The following CDH13 variants were observed in gnomAD, a reference collection of about 807,000 sequenced individuals.
CDH13 encodes the protein cadherin 13, also known as cadherin-13.
In CDH13, 24 loss-of-function variants were observed where a neutral mutation model predicts 63.8. That is an observed-to-expected ratio of 0.38 (90% CI 0.27 to 0.53). The LOEUF (loss-of-function observed/expected upper bound fraction) is 0.53, where lower values mean the gene tolerates loss of function less well. CDH13 is among the 20% of genes least tolerant of loss of function. The probability of loss-of-function intolerance (pLI) is 0.85; values close to 1 mark genes in which losing one functional copy is unlikely to be tolerated. For synonymous variants in CDH13, 503 were observed against 355.3 expected, an observed-to-expected ratio of 1.42 and a Z score of -4.67; for missense variants, 1,049 against 903.1, an observed-to-expected ratio of 1.16 and a Z score of -2.07.
At chr16:83,576,230 G>A (rs1004207102) in intron 7 of CDH13, among the ~76,000 whole-genome samples, 4 of 152,136 alleles carry the variant, frequency 2.6e-5, no homozygotes, top group African/African-American at 9.7e-5. Flanking sequence ...TATCCATTCT[G>A]GACCTTCCAT....
At chr16:83,230,648 G>A (rs570652902) in intron 5 of CDH13, among the ~76,000 whole-genome samples, 9 of 152,260 alleles carry the variant, frequency 5.9e-5, no homozygotes, top group African/African-American at 9.6e-5. Context: ...TTAGCTGGGC[G>A]TGGTGGCAAG....
chr16:83,180,472 C>T (rs1254031399), intron 4 of CDH13, among the ~76,000 whole-genome samples: 4 of 152,058 alleles, frequency 2.6e-5, no homozygotes, highest in African/African-American at 7.2e-5. Flanking sequence ...TGGCTTAGAG[C>T]ATGAGACTTT....
At chr16:83,669,350 A>G (rs541923727) in intron 8 of CDH13, among the ~76,000 whole-genome samples, 7 of 152,316 alleles carry the variant, frequency 4.6e-5, no homozygotes, top group Admixed American at 3.3e-4. Flanking sequence ...GGGAGATTCT[A>G]ATGTGCAGAC....
intron 4 of CDH13, among the ~76,000 whole-genome samples, chr16:83,212,535 G>A (rs868760724): frequency 5.9e-5 from 9 of 152,092 alleles, no homozygotes; most frequent in Admixed American, 3.9e-4. Context: ...TGCTTTCTGA[G>A]GTCTTAGAAA....
chr16:83,059,892 C>T (rs2031364912), intron 3 of CDH13, among the ~76,000 whole-genome samples: 1 of 145,434 alleles, frequency 6.9e-6, no homozygotes, highest in African/African-American at 2.5e-5. Flanking sequence ...CCTCCTGGTT[C>T]TCGCCATTCT....
intron 7 of CDH13, among the ~76,000 whole-genome samples, chr16:83,562,345 T>A (rs568684503): frequency 2.2e-4 from 34 of 152,176 alleles, no homozygotes; most frequent in African/African-American, 5.1e-4. Context: ...GAAAAAAAAA[T>A]TGCAAAGTAT....
intron 2 of CDH13, among the ~76,000 whole-genome samples, chr16:82,866,697 G>T (rs191760763): frequency 7.9e-5 from 12 of 152,254 alleles, no homozygotes; most frequent in South Asian, 2.1e-4. Flanking sequence ...TCACAGTTCA[G>T]CATGCCTGGG....
intron 1 of CDH13, among the ~76,000 whole-genome samples, chr16:82,827,135 T>C (rs2038293873): frequency 6.6e-6 from 1 of 152,182 alleles, no homozygotes; most frequent in South Asian, 2.1e-4. Flanking sequence ...TGCTAATTAT[T>C]TTTTTGAAAA....
intron 3 of CDH13, among the ~76,000 whole-genome samples, chr16:83,041,252 A>G (rs984936846): frequency 2.6e-5 from 4 of 152,184 alleles, no homozygotes; most frequent in African/African-American, 7.2e-5. Context: ...AAAATAAAAC[A>G]AAGAAGAAAA....
At chr16:83,325,721 C>T (rs965790423) in intron 5 of CDH13, among the ~76,000 whole-genome samples, 3 of 152,144 alleles carry the variant, frequency 2.0e-5, no homozygotes, top group Non-Finnish European at 4.4e-5. Flanking sequence ...CCCATATTTC[C>T]TTCCACCTTT....
intron 5 of CDH13, among the ~76,000 whole-genome samples, chr16:83,306,541 G>C (rs536394954): frequency 5.3e-5 from 8 of 152,266 alleles, no homozygotes; most frequent in African/African-American, 1.9e-4. Flanking sequence ...TGTTGTGACA[G>C]CTCAAAAGTC....
chr16:83,351,012 G>A (rs2090940759), intron 6 of CDH13, among the ~76,000 whole-genome samples: 1 of 152,198 alleles, frequency 6.6e-6, no homozygotes, highest in African/African-American at 2.4e-5. Context: ...AACAGCTTGA[G>A]CTAAATAAAG....
intron 4 of CDH13, among the ~76,000 whole-genome samples, chr16:83,204,901 C>G (rs1338540294): frequency 2.0e-5 from 3 of 152,224 alleles, no homozygotes; most frequent in African/African-American, 4.8e-5. Context: ...CACTAGAGTT[C>G]CTAATGCTTT....
chr16:83,438,819 C>T (rs773943275), intron 6 of CDH13, among the ~76,000 whole-genome samples: 1 of 152,160 alleles, frequency 6.6e-6, no homozygotes, highest in Admixed American at 6.5e-5. Flanking sequence ...AAAGTCTATG[C>T]AGCAGTGACA....
rs116363817 is a variant in CDH13, at chr16:83,166,632, C to T, written c.483+41131C>T. Among the ~76,000 whole-genome samples, 618 of 152,190 alleles carry T rather than the reference C, an allele frequency of 4.1e-3. 4 individuals are homozygous for T. The highest frequency in any genetic ancestry group is 0.014 in the African/African-American group (584 of 41,544). On this transcript the variant is annotated intron_variant, in intron 4 of 13. Transcript: ENST00000567109. ...GAGGGAATATAGATTGTGCTCTTAC[C>T]TGCCCCATTTCCATATTTAATATAT... is the stretch of plus-strand genomic sequence containing the variant.
chr16:83,482,971 G>A (rs1292387152), intron 6 of CDH13, among the ~76,000 whole-genome samples: 1 of 152,198 alleles, frequency 6.6e-6, no homozygotes, highest in African/African-American at 2.4e-5. Flanking sequence ...GTTGGATAAT[G>A]CAAGGCTTCC....
intron 6 of CDH13, among the ~76,000 whole-genome samples, chr16:83,474,202 G>T (rs530714512): frequency 6.6e-6 from 1 of 152,100 alleles, no homozygotes; most frequent in Non-Finnish European, 1.5e-5. Context: ...CCTCCTCCAT[G>T]GAATTACTGC....
intron 5 of CDH13, among the ~76,000 whole-genome samples, chr16:83,226,439 G>A (rs1269947005): frequency 1.3e-5 from 2 of 152,100 alleles, no homozygotes; most frequent in African/African-American, 4.8e-5. Flanking sequence ...TTGGCAGGTG[G>A]GAGAACCCCA....
At chr16:83,790,448 G>A (rs1916183710) in intron 13 of CDH13, among the ~76,000 whole-genome samples, 1 of 152,118 alleles carries the variant, frequency 6.6e-6, no homozygotes, top group Non-Finnish European at 1.5e-5. Flanking sequence ...CACCCAGGCT[G>A]GAGTGCAGTG....
Sources: gnomAD v4.1 joint callset for allele counts (sites outside exome capture counted in the v4.1 genomes callset) on GRCh38, gnomAD v4.1.1 for gene constraint, MANE v1.5 for transcripts, NCBI Gene and HGNC (gene_info 2026-07-23, HGNC 2026-07-21) for gene names.